The following MEGF10 variants were observed in gnomAD, a reference collection of about 807,000 sequenced individuals.
MEGF10 encodes multiple epidermal growth factor-like domains protein 10.
MEGF10 carries 86 observed loss-of-function variants against 147.5 expected under a neutral mutation model. The observed-to-expected ratio is 0.58, with a 90% CI of 0.49 to 0.70. The LOEUF (loss-of-function observed/expected upper bound fraction) is 0.70. Among genes scored for constraint, MEGF10 ranks in the 30% least tolerant of loss-of-function variants. The pLI is 0.00. For missense variants in MEGF10, 1,329 were observed against 1,487.3 expected (o/e 0.89, Z 1.75); for synonymous variants, 478 against 525.5 (o/e 0.91, Z 1.24).
chr5:127,252,694 AT>A, the MEGF10 span, among the ~76,000 whole-genome samples: 1 of 151,912 alleles, frequency 6.6e-6, no homozygotes, highest in African/African-American at 2.4e-5. Flanking sequence ...GACAGACTGC[AT>A]TTTTAGTCTT....
intron 4 of MEGF10, among the ~76,000 whole-genome samples, chr5:127,356,278 A>T (rs749814065): frequency 1.3e-5 from 2 of 152,228 alleles, no homozygotes; most frequent in Admixed American, 1.3e-4. Context: ...CACACAAGAG[A>T]TGCTAAAGGA....
intron 5 of MEGF10, among the ~76,000 whole-genome samples, chr5:127,387,682 G>A (rs779727136): frequency 6.6e-6 from 1 of 152,194 alleles, no homozygotes; most frequent in Non-Finnish European, 1.5e-5. Context: ...ACGCCAAGTG[G>A]CTTTGAGCAA....
chr5:127,414,689 C>G (rs1352234204), intron 9 of MEGF10, among the ~76,000 whole-genome samples: 1 of 152,108 alleles, frequency 6.6e-6, no homozygotes, highest in Non-Finnish European at 1.5e-5. Context: ...GAGTCACATC[C>G]GCTGTGTATC....
intron 1 of MEGF10, chr5:127,300,122 T>G (rs1759704801): frequency 6.6e-6 from 1 of 152,178 alleles, no homozygotes; most frequent in Admixed American, 6.5e-5. Flanking sequence ...TACTAAATGG[T>G]TTTGCCAATG....
At chr5:127,454,450 C>A in intron 22 of MEGF10, 116 bp from the exon 23 acceptor site, 1 of 800,038 alleles carries the variant, frequency 1.2e-6, no homozygotes, top group Non-Finnish European at 2.0e-6. Context: ...GCTTGAAGAG[C>A]AGCAGCCTGG....
chr5:127,252,462 T>A, the MEGF10 span, among the ~76,000 whole-genome samples: 1 of 151,866 alleles, frequency 6.6e-6, no homozygotes, highest in Non-Finnish European at 1.5e-5. Flanking sequence ...TACATATAGT[T>A]TCATATCATT....
chr5:127,439,485 A>T (rs190454656), intron 17 of MEGF10, among the ~76,000 whole-genome samples: 113 of 152,340 alleles, frequency 7.4e-4, no homozygotes, highest in African/African-American at 2.3e-3. Flanking sequence ...TTTCTAGAAG[A>T]TAATGTAGAC....
intron 2 of MEGF10, among the ~76,000 whole-genome samples, chr5:127,331,919 C>A (rs1246208035): frequency 1.3e-5 from 2 of 151,774 alleles, no homozygotes; most frequent in East Asian, 1.9e-4. Flanking sequence ...CCCTGAGATG[C>A]TCTTGAAGAA....
At chr5:127,366,809 G>A (rs1241161590) in intron 4 of MEGF10, among the ~76,000 whole-genome samples, 2 of 152,160 alleles carry the variant, frequency 1.3e-5, no homozygotes, top group Non-Finnish European at 2.9e-5. Context: ...TGATTATCTA[G>A]CAATCTCAAA....
intron 14 of MEGF10, 91 bp from the exon 15 acceptor site, chr5:127,434,596 T>C: frequency 7.2e-7 from 1 of 1,391,806 alleles, no homozygotes; most frequent in Non-Finnish European, 9.5e-7. Context: ...GTTTTGCTTT[T>C]TAACCTCTAA....
the MEGF10 span, among the ~76,000 whole-genome samples, chr5:127,233,786 C>A: frequency 6.6e-6 from 1 of 152,156 alleles, no homozygotes; most frequent in Non-Finnish European, 1.5e-5. Flanking sequence ...TAACTCTGGG[C>A]TGCCCACTTC....
chr5:127,430,151 G>T (rs768054436), intron 13 of MEGF10, among the ~76,000 whole-genome samples: 2 of 152,118 alleles, frequency 1.3e-5, no homozygotes, highest in Non-Finnish European at 2.9e-5. Flanking sequence ...AGCAGGGTGT[G>T]CCTGTTCTGT....
chr5:127,430,988 A>T lies in MEGF10; in HGVS notation c.1694-2375A>T, dbSNP rs539524201. On this transcript the variant is annotated intron_variant, in intron 13 of 24. Transcript: ENST00000503335. Reference sequence around the variant, plus strand: ...CAAGTAAGCTTGGGTCTGTTGAAAGATGCTTATATGATTGGACACAGAAGG... The same window carrying T: ...CAAGTAAGCTTGGGTCTGTTGAAAGTTGCTTATATGATTGGACACAGAAGG... 5.3e-5 allele frequency among the ~76,000 whole-genome samples: 8 copies of T among 152,360 alleles called. No individual in the cohort carries two copies. In the South Asian group the frequency reaches 1.7e-3, roughly 32 times the overall value.
chr5:127,231,736 A>T, the MEGF10 span, among the ~76,000 whole-genome samples: 17 of 152,224 alleles, frequency 1.1e-4, no homozygotes, highest in African/African-American at 4.1e-4. Context: ...AGGCTTCTTG[A>T]TTCTAGGCCA....
chr5:127,413,339 T>C (rs912694732), intron 9 of MEGF10, among the ~76,000 whole-genome samples: 2 of 152,174 alleles, frequency 1.3e-5, no homozygotes, highest in Admixed American at 1.3e-4. Flanking sequence ...TATAGAGAGA[T>C]AGATTAACTG....
chr5:127,438,610 C>T (rs764642784), intron 17 of MEGF10, 43 bp downstream of exon 17: 20 of 1,606,120 alleles, frequency 1.2e-5, no homozygotes, highest in Non-Finnish European at 4.3e-6. Flanking sequence ...GGAGCCTTGT[C>T]CAAGGAGGAA....
At chr5:127,235,294 C>G in the MEGF10 span, among the ~76,000 whole-genome samples, 2 of 152,184 alleles carry the variant, frequency 1.3e-5, no homozygotes, top group Admixed American at 1.3e-4. Flanking sequence ...CAAGCTTTTA[C>G]CTCCTTTGTG....
At chr5:127,277,025 T>G in the MEGF10 span, among the ~76,000 whole-genome samples, 1 of 152,086 alleles carries the variant, frequency 6.6e-6, no homozygotes, top group Non-Finnish European at 1.5e-5. Flanking sequence ...TCTGGTGTAT[T>G]TGAATAAAAG....
upstream of MEGF10, among the ~76,000 whole-genome samples, chr5:127,288,869 A>G (rs1253139263): frequency 6.6e-6 from 1 of 152,254 alleles, no homozygotes; most frequent in Non-Finnish European, 1.5e-5. Flanking sequence ...TGGTATATCC[A>G]TACAATGGAA....
Sources: gnomAD v4.1 joint callset for allele counts (sites outside exome capture counted in the v4.1 genomes callset) on GRCh38, gnomAD v4.1.1 for gene constraint, MANE v1.5 for transcripts, NCBI Gene and HGNC (gene_info 2026-07-23, HGNC 2026-07-21) for gene names.